Variants in CAST observed in about 807,000 individuals in gnomAD.
CAST encodes the protein MIR583 host.
A neutral mutation model predicts 119.6 loss-of-function variants in CAST; 76 were observed. The observed-to-expected ratio is 0.64, with a 90% CI of 0.53 to 0.77. CAST has a LOEUF of 0.77. CAST is among the 30% of genes least tolerant of loss of function. The pLI is 0.00. For missense variants in CAST, 953 were observed against 946.5 expected (o/e 1.01, Z -0.09); for synonymous variants, 319 against 331.6 (o/e 0.96, Z 0.41).
chr5:96,399,190 T>C, the CAST span, among the ~76,000 whole-genome samples: 1 of 152,206 alleles, frequency 6.6e-6, no homozygotes, highest in Admixed American at 6.5e-5. Flanking sequence ...TATGTATACA[T>C]GAATTTTAAT....
chr5:96,264,802 T>C, the CAST span, among the ~76,000 whole-genome samples: 3 of 152,268 alleles, frequency 2.0e-5, no homozygotes, highest in Admixed American at 2.0e-4. Flanking sequence ...TATGCTTTTA[T>C]ATCTGGCTTC....
chr5:96,549,481 G>A (rs1001212817), intron 1 of CAST, among the ~76,000 whole-genome samples: 1 of 152,228 alleles, frequency 6.6e-6, no homozygotes, highest in Admixed American at 6.5e-5. Context: ...GATTGACACA[G>A]AAGATGGGTG....
the CAST span, among the ~76,000 whole-genome samples, chr5:96,371,378 T>C: frequency 6.6e-6 from 1 of 152,230 alleles, no homozygotes; most frequent in Admixed American, 6.5e-5. Context: ...GGAGGAGACC[T>C]CTACTTGAAT....
chr5:96,372,569 TAGGC>T, the CAST span, among the ~76,000 whole-genome samples: 1 of 152,310 alleles, frequency 6.6e-6, no homozygotes, highest in South Asian at 2.1e-4. Flanking sequence ...CCATGGGACT[TAGGC>T]AGAGAACAAG....
the CAST span, among the ~76,000 whole-genome samples, chr5:96,443,455 C>T: frequency 2.0e-5 from 3 of 152,182 alleles, no homozygotes; most frequent in Admixed American, 6.5e-5. Flanking sequence ...ATTCTGGGAA[C>T]CTAGTCAAGA....
At chr5:96,448,365 G>T in the CAST span, among the ~76,000 whole-genome samples, 1 of 152,304 alleles carries the variant, frequency 6.6e-6, no homozygotes, top group South Asian at 2.1e-4. Flanking sequence ...TCTGGCATTT[G>T]AAGACCATCC....
intron 2 of CAST, chr5:96,675,890 C>T (rs572583933): frequency 8.8e-5 from 25 of 283,998 alleles, no homozygotes; most frequent in South Asian, 5.8e-4. Context: ...GTTTTGTTGG[C>T]GAATATGTCA....
At chr5:96,113,605 G>C in the CAST span, among the ~76,000 whole-genome samples, 1 of 152,248 alleles carries the variant, frequency 6.6e-6, no homozygotes, top group African/African-American at 2.4e-5. Context: ...TTCTCACCCA[G>C]AGGGCAAAAG....
At chr5:96,661,256 T>C (rs947535565), upstream of CAST, among the ~76,000 whole-genome samples, 12 of 72,472 alleles carry the variant, frequency 1.7e-4, no homozygotes, top group African/African-American at 7.8e-4. Flanking sequence ...GTCTCTACCA[T>C]TAAAAAAAAA....
chr5:96,521,867 C>T (rs1478896698), upstream of CAST, among the ~76,000 whole-genome samples: 1 of 152,104 alleles, frequency 6.6e-6, no homozygotes, highest in Non-Finnish European at 1.5e-5. Flanking sequence ...GACTGTAATC[C>T]CAGCACTTTG....
the CAST span, among the ~76,000 whole-genome samples, chr5:96,315,127 TC>T: frequency 6.6e-6 from 1 of 152,188 alleles, no homozygotes; most frequent in African/African-American, 2.4e-5. Context: ...ATTCTGTGAC[TC>T]TTGTCTCCAT....
At chr5:96,423,595 G>T in the CAST span, 4 of 787,508 alleles carry the variant, frequency 5.1e-6, no homozygotes, top group East Asian at 5.3e-5. Flanking sequence ...CCAATTCAGT[G>T]AAATGAGAAA....
intron 1 of CAST, among the ~76,000 whole-genome samples, chr5:96,590,356 G>A (rs1292107773): frequency 3.3e-5 from 5 of 152,206 alleles, no homozygotes; most frequent in African/African-American, 9.6e-5. Context: ...CTTTATTACA[G>A]AGTTTTCCAA....
At chr5:96,304,832 A>T in the CAST span, among the ~76,000 whole-genome samples, 1 of 152,138 alleles carries the variant, frequency 6.6e-6, no homozygotes, top group Non-Finnish European at 1.5e-5. Flanking sequence ...TACCAGTACC[A>T]TGCTGTTTTG....
chr5:96,677,839 G>C (rs958858963), intron 2 of CAST, among the ~76,000 whole-genome samples: 1 of 152,174 alleles, frequency 6.6e-6, no homozygotes, highest in African/African-American at 2.4e-5. Flanking sequence ...ACTGGAAGAG[G>C]TTTCTAGAGC....
chr5:96,670,962 G>A lies in CAST; in HGVS notation c.76-4577G>A, dbSNP rs184732469. ...GAGAGCTCAGGCTCTGAGCCTTATT[G>A]CACTTAGCTCTTATTGATTTTTTTC... On this transcript the variant is annotated intron_variant, in intron 1 of 31. Coordinates refer to ENST00000675179, the MANE Select transcript of CAST (RefSeq NM_001750.7). Among the ~76,000 whole-genome samples the A allele has an allele frequency of 1.6e-3, 244 of 152,310 alleles. 1 individual carries two copies. The highest frequency in any genetic ancestry group is 5.6e-3 in the African/African-American group (232 of 41,566).
chr5:96,410,972 C>T, the CAST span: 3 of 1,612,842 alleles, frequency 1.9e-6, no homozygotes, highest in Admixed American at 3.3e-5. Context: ...AGATGGACCC[C>T]TTCCCCTGTC....
At chr5:96,601,850 T>C (rs1050444601) in intron 1 of CAST, among the ~76,000 whole-genome samples, 1 of 152,218 alleles carries the variant, frequency 6.6e-6, no homozygotes, top group Non-Finnish European at 1.5e-5. Context: ...TTATCCGGCA[T>C]TTGATAAGCA....
the CAST span, among the ~76,000 whole-genome samples, chr5:96,354,433 AT>A: frequency 6.6e-6 from 1 of 152,148 alleles, no homozygotes; most frequent in Non-Finnish European, 1.5e-5. Context: ...ACTGATTGGT[AT>A]TGACCGCATT....
Sources: allele counts gnomAD v4.1 joint callset (sites outside exome capture counted in the v4.1 genomes callset), GRCh38; gene constraint gnomAD v4.1.1; transcripts MANE v1.5; gene names NCBI Gene and HGNC (gene_info 2026-07-23, HGNC 2026-07-21).